The following COL13A1 variants were observed in gnomAD, a reference collection of about 807,000 sequenced individuals.
COL13A1 encodes collagen alpha-1(XIII) chain.
A neutral mutation model predicts 130.9 loss-of-function variants in COL13A1; 89 were observed. The ratio of observed to expected loss-of-function variants is 0.68; its 90% confidence interval spans 0.57 to 0.81. The LOEUF is 0.81. Ranked by LOEUF, COL13A1 falls within the 30% of genes least tolerant of loss-of-function variation. COL13A1 has a pLI of 0.00. For missense variants in COL13A1, 879 were observed against 934.6 expected, an observed-to-expected ratio of 0.94 and a Z score of 0.78; for synonymous variants, 402 against 341.6, an observed-to-expected ratio of 1.18 and a Z score of -1.95.
At chr10:69,854,487 C>T (rs1296742665) in intron 2 of COL13A1, among the ~76,000 whole-genome samples, 1 of 151,854 alleles carries the variant, frequency 6.6e-6, no homozygotes, top group African/African-American at 2.4e-5. Flanking sequence ...GTGGTAGGGT[C>T]GCTTGAGCCT....
chr10:69,807,976 T>C (rs1268038885), intron 1 of COL13A1, among the ~76,000 whole-genome samples: 1 of 152,214 alleles, frequency 6.6e-6, no homozygotes, highest in Non-Finnish European at 1.5e-5. Context: ...TTTTCAACAG[T>C]GTTCAGGAAG....
intron 7 of COL13A1, among the ~76,000 whole-genome samples, chr10:69,881,312 G>C (rs57703465): frequency 1.3e-5 from 2 of 151,782 alleles, no homozygotes; most frequent in African/African-American, 2.4e-5. Flanking sequence ...GCGCCCTCCC[G>C]TGTAGAGGCT....
At position 69,929,931 on chromosome 10, in the gene COL13A1, G is replaced by T. The variant is rs2065884638; in HGVS notation, c.1486-112G>T. On this transcript the variant is annotated intron_variant, in intron 28 of 40. Coordinates refer to ENST00000645393, the MANE Select transcript of COL13A1 (RefSeq NM_001368882.1). ...CAGCAACACAGTTAGAATTAAATGA[G>T]CAAACTCTATGGGAAAGTGTGGAGT... The T allele has an allele frequency of 4.5e-6, 4 of 896,764 alleles. No individual in the cohort carries two copies. The African/African-American group carries it at 4.9e-5, about 11-fold the overall frequency. 55.6% of individuals were successfully genotyped at this position (896,764 alleles called of 1,614,324 possible).
intron 1 of COL13A1, among the ~76,000 whole-genome samples, chr10:69,817,407 T>C (rs147335937): frequency 0.017 from 2,644 of 151,286 alleles, 58 homozygotes; most frequent in African/African-American, 0.02. Context: ...AGGTCATCAG[T>C]TGACAATGAA....
intron 2 of COL13A1, among the ~76,000 whole-genome samples, chr10:69,866,584 C>G (rs2058541718): frequency 2.0e-5 from 3 of 152,094 alleles, no homozygotes; most frequent in Admixed American, 1.3e-4. Flanking sequence ...GCTCTGTGCT[C>G]CCTCCCGCTT....
At chr10:69,904,687 G>A (rs556690928) in intron 15 of COL13A1, among the ~76,000 whole-genome samples, 8 of 152,334 alleles carry the variant, frequency 5.3e-5, no homozygotes, top group African/African-American at 1.9e-4. Context: ...GGTGAGCACA[G>A]CAGAATTGCC....
chr10:69,808,357 C>T (rs1032491832), intron 1 of COL13A1, among the ~76,000 whole-genome samples: 8 of 152,234 alleles, frequency 5.3e-5, no homozygotes, highest in African/African-American at 1.9e-4. Context: ...AATGTGGGCT[C>T]TCTCCCTGCT....
At chr10:69,938,359 A>G (rs553536925) in intron 34 of COL13A1, among the ~76,000 whole-genome samples, 1 of 152,172 alleles carries the variant, frequency 6.6e-6, no homozygotes, top group African/African-American at 2.4e-5. Flanking sequence ...ACCTGTGTAC[A>G]GGTGAGCGCA....
chr10:69,933,135 C>CAAAAAAA (rs34323794), intron 31 of COL13A1, among the ~76,000 whole-genome samples: 20 of 44,426 alleles, frequency 4.5e-4, no homozygotes, highest in East Asian at 6.7e-4. Flanking sequence ...GACTCTGCCT[C>CAAAAAAA]AAAAAAAAAA....
chr10:69,956,784 T>G, intron 39 of COL13A1: 1 of 552,784 alleles, frequency 1.8e-6, no homozygotes, highest in Non-Finnish European at 3.3e-6. Context: ...GACGTTGCAC[T>G]ATAGCTGCAT....
intron 7 of COL13A1, among the ~76,000 whole-genome samples, chr10:69,883,791 G>C (rs180842767): frequency 4.7e-4 from 71 of 152,300 alleles, no homozygotes; most frequent in Non-Finnish European, 4.9e-4. Context: ...GCTGACGTGG[G>C]ACATGACCAG....
chr10:69,846,491 G>T (rs369305488), intron 2 of COL13A1, among the ~76,000 whole-genome samples: 1 of 152,120 alleles, frequency 6.6e-6, no homozygotes, highest in Admixed American at 6.5e-5. Flanking sequence ...CCACTGCCCC[G>T]GGAAGGTGCA....
intron 2 of COL13A1, among the ~76,000 whole-genome samples, chr10:69,861,954 C>A (rs1456665780): frequency 6.6e-6 from 1 of 152,134 alleles, no homozygotes; most frequent in Non-Finnish European, 1.5e-5. Context: ...GGCGTGCTGG[C>A]AAACGCTTAA....
intron 15 of COL13A1, 28 bp from the exon 16 acceptor site, chr10:69,904,905 C>CTTTTTTTTTTTTTTTTT: frequency 2.7e-6 from 4 of 1,474,960 alleles, no homozygotes; most frequent in African/African-American, 1.6e-5. Flanking sequence ...TTTCTTTTTT[C>CTTTTTTTTTTTTTTTTT]TTTTTTTTTT....
chr10:69,944,984 C>T (rs897354893), intron 36 of COL13A1, among the ~76,000 whole-genome samples: 13 of 152,260 alleles, frequency 8.5e-5, no homozygotes, highest in African/African-American at 3.1e-4. Flanking sequence ...TGTCACAGGA[C>T]TTGCAGTTCC....
intron 13 of COL13A1, chr10:69,897,339 C>T: frequency 2.3e-6 from 2 of 854,978 alleles, no homozygotes; most frequent in Non-Finnish European, 3.5e-6. Context: ...CAGGTGGCCC[C>T]TCCTCCATTC....
intron 2 of COL13A1, among the ~76,000 whole-genome samples, chr10:69,854,180 A>G (rs994596752): frequency 6.6e-6 from 1 of 152,076 alleles, no homozygotes; most frequent in Non-Finnish European, 1.5e-5. Context: ...CCTACATGGT[A>G]TGGTGTGTGA....
intron 1 of COL13A1, among the ~76,000 whole-genome samples, chr10:69,814,005 G>T (rs1291335170): frequency 6.6e-6 from 1 of 152,246 alleles, no homozygotes; most frequent in Non-Finnish European, 1.5e-5. Context: ...AATTCGGTTG[G>T]AGTGTGGATT....
At chr10:69,921,987 T>C (rs2064747806) in intron 22 of COL13A1, 52 bp downstream of exon 22, 3 of 1,551,888 alleles carry the variant, frequency 1.9e-6, no homozygotes, top group Non-Finnish European at 8.7e-7. Context: ...CCACATCCCA[T>C]ACCTGGCCCT....
Sources: gnomAD v4.1 joint callset for allele counts (sites outside exome capture counted in the v4.1 genomes callset) on GRCh38, gnomAD v4.1.1 for gene constraint, MANE v1.5 for transcripts, NCBI Gene and HGNC (gene_info 2026-07-23, HGNC 2026-07-21) for gene names.